Variants in CDC42SE2 observed in about 807,000 individuals in gnomAD.
CDC42SE2 encodes the protein CDC42 small effector 2.
In CDC42SE2, 3 loss-of-function variants were observed where a neutral mutation model predicts 11.5. The ratio of observed to expected loss-of-function variants is 0.26; its 90% CI spans 0.12 to 0.67. The LOEUF (loss-of-function observed/expected upper bound fraction) is 0.67. Ranked by LOEUF, CDC42SE2 falls within the 30% of genes least tolerant of loss-of-function variation. The pLI, the probability that CDC42SE2 is intolerant of heterozygous loss-of-function variation, is 0.80. For synonymous variants in CDC42SE2, 33 were observed against 34.8 expected, an observed-to-expected ratio of 0.95 and a Z score of 0.18; for missense variants, 82 against 106.8, an observed-to-expected ratio of 0.77 and a Z score of 1.02.
chr5:131,386,921 G>A (rs17167486), intron 4 of CDC42SE2, among the ~76,000 whole-genome samples: 1 of 152,202 alleles, frequency 6.6e-6, no homozygotes, highest in Non-Finnish European at 1.5e-5. Flanking sequence ...CAGCAACGAC[G>A]TTTGTCACTG....
chr5:131,310,518 C>T (rs1757881325), intron 1 of CDC42SE2, among the ~76,000 whole-genome samples: 5 of 151,090 alleles, frequency 3.3e-5, no homozygotes, highest in Admixed American at 3.3e-4. Context: ...CTTTCTGTCT[C>T]ATTGATCTGT....
rs1750730353 is a variant in CDC42SE2, at chr5:131,393,530, G to A, written c.*2439G>A. ...ATCCATTGTCACTGATTCACCAAGT[G>A]GATGTTGCATTGTGGAATTTGCCTG... On this transcript the variant is annotated 3_prime_UTR_variant, in exon 5 of 5. Coordinates refer to ENST00000505065, the MANE Select transcript of CDC42SE2 (RefSeq NM_001375635.1). 1 of 152,324 alleles carries A rather than the reference G, an allele frequency of 6.6e-6. No individual in the cohort carries two copies. The highest frequency in any genetic ancestry group is 6.5e-5 in the Admixed American group (1 of 15,280). 9.4% of individuals were successfully genotyped at this position (152,324 alleles called of 1,614,324 possible). A position where few individuals can be genotyped will look rare whatever the true frequency, so the allele number is the denominator to read the frequency against.
chr5:131,332,120 C>T (rs1357819227), intron 2 of CDC42SE2, among the ~76,000 whole-genome samples: 1 of 152,076 alleles, frequency 6.6e-6, no homozygotes, highest in African/African-American at 2.4e-5. Context: ...CTCCCCACTC[C>T]CCCCACTCCA....
Position 131,313,931 on chromosome 5 carries a change from G to A in CDC42SE2, c.-454-2045G>A, listed in dbSNP as rs139971650. On this transcript the variant is annotated intron_variant, in intron 1 of 4. Transcript: ENST00000505065. Reference sequence around the variant, plus strand: ...CAACCTCTGTCTCCTGGGTTCAAGCGATCCTCCTGCCTCGGCCTTCCGAGT... The same window carrying A: ...CAACCTCTGTCTCCTGGGTTCAAGCAATCCTCCTGCCTCGGCCTTCCGAGT... Among the ~76,000 whole-genome samples the A allele has an allele frequency of 4.9e-3, 748 of 152,224 alleles. 4 individuals carry two copies. Among genetic ancestry groups the A allele is most frequent in the African/African-American group, 0.016 (685 of 41,542 alleles).
rs186322149 is a variant in CDC42SE2 at position 131,318,261 on chromosome 5, A to G, written c.-286+2117A>G. ...ACCAGGAGAATAACTTTTTAAGAAG[A>G]TAGAGAAAGTTGTATGATGCACTTT... On this transcript the variant is annotated intron_variant, in intron 2 of 4. Transcript: ENST00000505065. 3.9e-3 allele frequency among the ~76,000 whole-genome samples: 596 copies of G among 152,304 alleles called. 2 individuals are homozygous for G. The highest frequency in any genetic ancestry group is 5.9e-3 in the Non-Finnish European group (400 of 68,018).
At chr5:131,329,643 C>A (rs1428649153) in intron 2 of CDC42SE2, among the ~76,000 whole-genome samples, 1 of 151,764 alleles carries the variant, frequency 6.6e-6, no homozygotes, top group African/African-American at 2.4e-5. Context: ...CTGTGGGAGG[C>A]CTAGGTGGGC....
chr5:131,258,737 C>T (rs1404846710), intron 2 of CDC42SE2, among the ~76,000 whole-genome samples: 3 of 152,198 alleles, frequency 2.0e-5, no homozygotes, highest in Admixed American at 1.3e-4. Flanking sequence ...AGACCCACCT[C>T]GAATTCCTTT....
intron 1 of CDC42SE2, among the ~76,000 whole-genome samples, chr5:131,311,495 G>T (rs1252371230): frequency 6.6e-6 from 1 of 151,598 alleles, no homozygotes; most frequent in African/African-American, 2.4e-5. Flanking sequence ...GGCCTGCCTT[G>T]CTAGATTGGG....
chr5:131,239,585 T>C, the CDC42SE2 span, among the ~76,000 whole-genome samples: 2 of 152,336 alleles, frequency 1.3e-5, no homozygotes, highest in South Asian at 2.1e-4. Flanking sequence ...CCATTTTTTA[T>C]TGTGAACCTA....
intron 1 of CDC42SE2, among the ~76,000 whole-genome samples, chr5:131,306,915 G>C (rs558026972): frequency 1.2e-4 from 18 of 152,048 alleles, no homozygotes; most frequent in African/African-American, 4.3e-4. Flanking sequence ...GTAAAGAAAT[G>C]CTACTGATTT....
At chr5:131,236,611 G>C in the CDC42SE2 span, among the ~76,000 whole-genome samples, 1 of 152,092 alleles carries the variant, frequency 6.6e-6, no homozygotes, top group African/African-American at 2.4e-5. Context: ...ATTTTTAGTA[G>C]AGATGGGGTT....
intron 2 of CDC42SE2, among the ~76,000 whole-genome samples, chr5:131,342,873 T>G (rs1359248310): frequency 6.6e-6 from 1 of 151,762 alleles, no homozygotes; most frequent in Non-Finnish European, 1.5e-5. Context: ...CCGCCACACC[T>G]GGCGAATGTT....
rs147409365 is a variant in CDC42SE2, at chr5:131,252,600, G to A, written n.108-2495G>A. Among the ~76,000 whole-genome samples the A allele has an allele frequency of 3.0e-3, 461 of 152,326 alleles. 3 individuals are homozygous for A. The highest frequency in any genetic ancestry group is 0.011 in the African/African-American group (444 of 41,566). On this transcript the variant is annotated intron_variant and non_coding_transcript_variant, in intron 1 of 3. Transcript: ENST00000502840. ...GAACCAGGGAGGTGGAGGTTGCAGT[G>A]AGCTGAGACCACGTCACTGCACTCC...
At chr5:131,277,324 A>G (rs1407894025) in intron 1 of CDC42SE2, among the ~76,000 whole-genome samples, 1 of 152,118 alleles carries the variant, frequency 6.6e-6, no homozygotes, top group Admixed American at 6.6e-5. Context: ...TTAACTTCAT[A>G]ATGTTCTGTT....
At chr5:131,368,963 C>T (rs188327380) in intron 3 of CDC42SE2, among the ~76,000 whole-genome samples, 3 of 152,166 alleles carry the variant, frequency 2.0e-5, no homozygotes, top group African/African-American at 7.2e-5. Flanking sequence ...TATTATGAAG[C>T]ACATATTACT....
At chr5:131,263,574 G>A (rs866832464), upstream of CDC42SE2, 1 of 152,244 alleles carries the variant, frequency 6.6e-6, no homozygotes, top group African/African-American at 2.4e-5. Flanking sequence ...AGTGGTCAGA[G>A]GATGGGCTCT....
rs528733350 is a variant in CDC42SE2, at chr5:131,341,082, A to G, written c.-285-18127A>G. Among the ~76,000 whole-genome samples, 6 of 152,308 alleles carry G rather than the reference A, an allele frequency of 3.9e-5. No homozygotes were observed. In the South Asian group the frequency reaches 1.2e-3, roughly 32 times the overall value. Reference sequence around the variant, plus strand: ...CAAATTTGGAAAAATATTAATCATCAGCATCATTGTGTACTTACTGTATAC... The same window carrying G: ...CAAATTTGGAAAAATATTAATCATCGGCATCATTGTGTACTTACTGTATAC... On this transcript the variant is annotated intron_variant, in intron 2 of 4. Coordinates refer to ENST00000505065, the MANE Select transcript of CDC42SE2 (RefSeq NM_001375635.1).
chr5:131,279,682 T>A (rs1391682874), intron 1 of CDC42SE2, among the ~76,000 whole-genome samples: 3 of 152,116 alleles, frequency 2.0e-5, no homozygotes, highest in Non-Finnish European at 4.4e-5. Context: ...CAGTCCGTTT[T>A]CCACACTCTC....
At chr5:131,387,697 T>A (rs1413654607) in intron 4 of CDC42SE2, among the ~76,000 whole-genome samples, 3 of 152,234 alleles carry the variant, frequency 2.0e-5, no homozygotes, top group Non-Finnish European at 2.9e-5. Context: ...TCTCATAGTT[T>A]AGGTAGAACT....
Sources: gnomAD v4.1 joint callset for allele counts (sites outside exome capture counted in the v4.1 genomes callset) on GRCh38, gnomAD v4.1.1 for gene constraint, MANE v1.5 for transcripts, NCBI Gene and HGNC (gene_info 2026-07-23, HGNC 2026-07-21) for gene names.